WDR27: variants seen among roughly 807,000 people sequenced by gnomAD.
The protein encoded by WDR27 is WD repeat domain 27, also known as WD repeat-containing protein 27.
WDR27 carries 100 observed loss-of-function variants against 114.4 expected under a neutral mutation model. The observed-to-expected ratio is 0.87, with a 90% CI of 0.74 to 1.03. The LOEUF (loss-of-function observed/expected upper bound fraction) is 1.03, where lower values mean the gene tolerates loss of function less well. WDR27 is among the 50% of genes least tolerant of loss of function. WDR27 has a pLI of 0.00. For synonymous variants in WDR27, 449 were observed against 423.1 expected (o/e 1.06, Z -0.75); for missense variants, 1,129 against 1,092.9 (o/e 1.03, Z -0.47).
intron 24 of WDR27, 60 bp downstream of exon 24, chr6:169,582,776 A>C: frequency 7.3e-7 from 1 of 1,366,390 alleles, no homozygotes; most frequent in Non-Finnish European, 1.0e-6. Context: ...TAAAGATACA[A>C]AAATATAATG....
chr6:169,521,297 T>C (rs1562527425), intron 25 of WDR27, among the ~76,000 whole-genome samples: 1 of 152,088 alleles, frequency 6.6e-6, no homozygotes, highest in Non-Finnish European at 1.5e-5. Flanking sequence ...TCCATAAAGC[T>C]ATCTTTCGAA....
intron 25 of WDR27, among the ~76,000 whole-genome samples, chr6:169,488,372 C>T (rs1431413667): frequency 6.6e-6 from 1 of 152,222 alleles, no homozygotes; most frequent in Non-Finnish European, 1.5e-5. Context: ...TATTCAGCCT[C>T]ATCCATCAAA....
At chr6:169,689,867 G>A (rs1016380664) in intron 1 of WDR27, among the ~76,000 whole-genome samples, 1 of 152,202 alleles carries the variant, frequency 6.6e-6, no homozygotes, top group Non-Finnish European at 1.5e-5. Context: ...CACCCATGAG[G>A]CCCTCACACT....
In WDR27 at chr6:169,694,784, T is replaced by C. The variant is rs543878766; in HGVS notation, c.-7-5772A>G. ...CTGCTCATTGTCTGTTCCTATGCAG[T>C]GGCAAAAAGATGGGCGGCAGCACCT... On this transcript the variant is annotated intron_variant, in intron 1 of 25. Coordinates refer to ENST00000448612, the MANE Select transcript of WDR27 (RefSeq NM_182552.5). Among the ~76,000 whole-genome samples, 11 of 152,362 alleles carry C rather than the reference T, an allele frequency of 7.2e-5. No homozygotes were observed. The East Asian group carries it at 9.6e-4, about 13-fold the overall frequency.
At chr6:169,592,629 A>C (rs562700513) in intron 23 of WDR27, among the ~76,000 whole-genome samples, 37 of 152,160 alleles carry the variant, frequency 2.4e-4, no homozygotes, top group Middle Eastern at 3.2e-3. Flanking sequence ...CTTGTCACCT[A>C]TGAATAATTT....
At chr6:169,468,569 G>A (rs1785918852) in intron 25 of WDR27, among the ~76,000 whole-genome samples, 2 of 152,176 alleles carry the variant, frequency 1.3e-5, no homozygotes, top group African/African-American at 4.8e-5. Flanking sequence ...CTCCCACCAG[G>A]TCCCTCCCAT....
chr6:169,584,151 C>T (rs1415713159), intron 23 of WDR27, among the ~76,000 whole-genome samples: 1 of 152,164 alleles, frequency 6.6e-6, no homozygotes, highest in East Asian at 1.9e-4. Context: ...AGATTTCACA[C>T]AGAAGTGAGA....
intron 25 of WDR27, among the ~76,000 whole-genome samples, chr6:169,525,106 A>T (rs75886221): frequency 0.046 from 6,939 of 152,126 alleles, 432 homozygotes; most frequent in African/African-American, 0.14. Context: ...AAATCCAATT[A>T]AAAAAAATCT....
At chr6:169,655,000 G>C (rs9383514) in intron 13 of WDR27, among the ~76,000 whole-genome samples, 1 of 152,136 alleles carries the variant, frequency 6.6e-6, no homozygotes, top group Non-Finnish European at 1.5e-5. Flanking sequence ...TCTCTTACTC[G>C]GGTTTTCCCG....
At chr6:169,440,169 T>C in the WDR27 span, among the ~76,000 whole-genome samples, 1 of 152,094 alleles carries the variant, frequency 6.6e-6, no homozygotes, top group Non-Finnish European at 1.5e-5. Flanking sequence ...TTAGTGTTAC[T>C]CTAATGATCT....
At chr6:169,437,852 T>G in the WDR27 span, among the ~76,000 whole-genome samples, 1 of 152,194 alleles carries the variant, frequency 6.6e-6, no homozygotes, top group African/African-American at 2.4e-5. Flanking sequence ...ACGTTTGTCT[T>G]AAAGTTTTCT....
At chr6:169,438,551 TC>T in the WDR27 span, among the ~76,000 whole-genome samples, 2 of 152,218 alleles carry the variant, frequency 1.3e-5, no homozygotes, top group Non-Finnish European at 2.9e-5. Flanking sequence ...TTTTACTTTT[TC>T]TAAAAGCCAT....
intron 23 of WDR27, among the ~76,000 whole-genome samples, chr6:169,596,613 T>G (rs1219342228): frequency 6.6e-6 from 1 of 152,102 alleles, no homozygotes; most frequent in Non-Finnish European, 1.5e-5. Flanking sequence ...TCCTTATTTT[T>G]TTTTGTATTA....
At chr6:169,549,802 CTA>C (rs1203526569) in intron 25 of WDR27, among the ~76,000 whole-genome samples, 1 of 152,108 alleles carries the variant, frequency 6.6e-6, no homozygotes, top group East Asian at 1.9e-4. Context: ...GATTCCAACT[CTA>C]TGATCTCCTG....
chr6:169,659,098 G>C lies in WDR27; in HGVS notation c.1307C>G (p.Ser436Trp). 1 of 1,560,124 alleles carries C rather than the reference G, an allele frequency of 6.4e-7. No homozygotes were observed. Among genetic ancestry groups the C allele is most frequent in the African/African-American group, 1.4e-5 (1 of 72,374 alleles). The change falls in exon 12 of 26, where the codon TCG becomes TGG. Residue 436 changes from serine (S) to tryptophan (W), a missense_variant. Physicochemically the swap from Ser to Trp is radical, Grantham distance 177. Coordinates refer to ENST00000448612, the MANE Select transcript of WDR27 (RefSeq NM_182552.5). The surrounding 1 kb of genome is among the most constrained non-coding windows in gnomAD (Gnocchi z 4.3). ...GAAGACACTCTACCTGGCTGGCACC[G>C]AGAGGCTCTGCCCCATGCTGGGGCA... ...QQCPSMGQSL[S>W]VPASSCVLPT...
chr6:169,605,605 A>AC (rs72557523), intron 22 of WDR27, among the ~76,000 whole-genome samples: 2 of 151,210 alleles, frequency 1.3e-5, no homozygotes, highest in Non-Finnish European at 2.9e-5. Context: ...TAAAAAAAAA[A>AC]ACACCCTAAA....
intron 23 of WDR27, among the ~76,000 whole-genome samples, chr6:169,584,617 T>A (rs1344396039): frequency 1.3e-5 from 2 of 152,224 alleles, no homozygotes; most frequent in Non-Finnish European, 2.9e-5. Flanking sequence ...TATGAGGTGC[T>A]AGCTCAGTGG....
intron 23 of WDR27, among the ~76,000 whole-genome samples, chr6:169,596,247 T>C (rs1806770548): frequency 6.6e-6 from 1 of 152,144 alleles, no homozygotes; most frequent in Non-Finnish European, 1.5e-5. Flanking sequence ...TCCTTTTACA[T>C]GTAGGTTGAA....
In WDR27 at chr6:169,468,850, G is replaced by T. The variant is rs1583606332; in HGVS notation, c.2646-11216C>A. ...AAATCCAAGACCAACTTGCCAACTT[G>T]GTTGAGTTCTGGTGATGGCTCTCTT... On this transcript the variant is annotated intron_variant, in intron 25 of 25. Coordinates refer to ENST00000448612, the MANE Select transcript of WDR27 (RefSeq NM_182552.5). Among the ~76,000 whole-genome samples, 3 of 152,170 alleles carry T rather than the reference G, an allele frequency of 2.0e-5. No individual in the cohort carries two copies. The South Asian group carries it at 6.2e-4, about 32-fold the overall frequency.
Sources: allele counts gnomAD v4.1 joint callset (sites outside exome capture counted in the v4.1 genomes callset), GRCh38; gene constraint gnomAD v4.1.1; non-coding constraint Gnocchi (gnomAD v3.1); transcripts MANE v1.5; gene names NCBI Gene and HGNC (gene_info 2026-07-23, HGNC 2026-07-21).